Variants in PCDHGA5 observed in about 807,000 individuals in gnomAD.
PCDHGA5 encodes protocadherin gamma-A5.
In PCDHGA5, 36 loss-of-function variants were observed where a neutral mutation model predicts 56.7. That is an observed-to-expected ratio of 0.64 (90% confidence interval 0.49 to 0.84). PCDHGA5 has a LOEUF of 0.84. Among genes scored for constraint, PCDHGA5 ranks in the 40% least tolerant of loss-of-function variants. PCDHGA5 has a pLI of 0.00. For missense variants in PCDHGA5, 1,305 were observed against 1,201.5 expected (o/e 1.09, Z -1.27); for synonymous variants, 563 against 520.2 (o/e 1.08, Z -1.12).
At chr5:141,369,056 A>G (rs1051777432) in intron 1 of PCDHGA5, among the ~76,000 whole-genome samples, 7 of 152,212 alleles carry the variant, frequency 4.6e-5, no homozygotes, top group Non-Finnish European at 5.9e-5. Flanking sequence ...TACATTATGT[A>G]GGCTAAAGAT....
intron 1 of PCDHGA5, chr5:141,409,529 G>A: frequency 6.2e-7 from 1 of 1,613,962 alleles, no homozygotes; most frequent in Middle Eastern, 1.6e-4. Context: ...CTTGTATGTC[G>A]CTGACATCAA....
chr5:141,370,311 A>G, intron 1 of PCDHGA5: 8 of 1,247,000 alleles, frequency 6.4e-6, no homozygotes, highest in Non-Finnish European at 8.9e-6. Context: ...CAAAGCAAAT[A>G]GTTGGTCCTG....
chr5:141,481,619 A>T (rs1303171847), intron 1 of PCDHGA5, among the ~76,000 whole-genome samples: 1 of 152,128 alleles, frequency 6.6e-6, no homozygotes, highest in Non-Finnish European at 1.5e-5. Flanking sequence ...GGAGTTCAAG[A>T]CCGGCCTGGC....
At chr5:141,498,011 G>A (rs995865984) in intron 2 of PCDHGA5, among the ~76,000 whole-genome samples, 2 of 152,204 alleles carry the variant, frequency 1.3e-5, no homozygotes, top group Non-Finnish European at 2.9e-5. Flanking sequence ...ACAGTGCACT[G>A]AAGGAGACAA....
At chr5:141,385,430 A>G (rs1781192913) in intron 1 of PCDHGA5, 1 of 1,458,668 alleles carries the variant, frequency 6.9e-7, no homozygotes. Context: ...AAAACTTTAT[A>G]GAGGTAAAAA....
chr5:141,423,447 T>C (rs1347619382), intron 1 of PCDHGA5: 1 of 1,613,880 alleles, frequency 6.2e-7, no homozygotes, highest in Admixed American at 1.7e-5. Context: ...CCACGTCACA[T>C]TTTGTAGGCG....
intron 1 of PCDHGA5, chr5:141,393,027 A>C (rs868285753): frequency 1.2e-6 from 2 of 1,613,818 alleles, no homozygotes; most frequent in Non-Finnish European, 1.7e-6. Flanking sequence ...CAGAGGTAGG[A>C]CGCAGCTCTT....
chr5:141,479,466 C>G (rs1004384273), intron 1 of PCDHGA5: 1 of 152,224 alleles, frequency 6.6e-6, no homozygotes, highest in Non-Finnish European at 1.5e-5. Flanking sequence ...AATACAGTGA[C>G]CTCTTGGGAG....
chr5:141,403,741 T>G, intron 1 of PCDHGA5: 1 of 1,613,906 alleles, frequency 6.2e-7, no homozygotes. Context: ...GGCTGCTTAC[T>G]GCAACAGCCA....
At chr5:141,441,718 C>A in intron 1 of PCDHGA5, 1 of 344,940 alleles carries the variant, frequency 2.9e-6, no homozygotes, top group Non-Finnish European at 5.7e-6. Flanking sequence ...ACGCTGCAGG[C>A]CCGCGACCAG....
chr5:141,493,338 A>G lies in PCDHGA5; in HGVS notation c.2422-1469A>G, dbSNP rs773870729. Among the ~76,000 whole-genome samples the G allele has an allele frequency of 6.6e-6, 1 of 152,162 alleles. No individual in the cohort carries two copies. The highest frequency in any genetic ancestry group is 1.5e-5 in the Non-Finnish European group (1 of 68,028). On this transcript the variant is annotated intron_variant, in intron 1 of 3. Transcript: ENST00000518069. This position sits in a 1 kb window ranked among gnomAD's most constrained non-coding sequence, Gnocchi z 4.3. ...GATTCTAACCCCTGTCTAACTCCAG[A>G]ATGTGTGCTTTTAATTTCTTGGCAC...
intron 1 of PCDHGA5, among the ~76,000 whole-genome samples, chr5:141,439,623 C>T (rs1219064055): frequency 6.6e-6 from 1 of 152,186 alleles, no homozygotes; most frequent in East Asian, 1.9e-4. Context: ...ATGAGCCAAT[C>T]CCCAGACATT....
chr5:141,506,415 C>T lies in PCDHGA5; in HGVS notation c.2569+934C>T, dbSNP rs2099853185. 2.0e-5 allele frequency among the ~76,000 whole-genome samples: 3 copies of T among 148,290 alleles called. No homozygotes were observed. The South Asian group carries it at 6.4e-4, about 32-fold the overall frequency. On this transcript the variant is annotated intron_variant, in intron 3 of 3. Coordinates refer to ENST00000518069, the MANE Select transcript of PCDHGA5 (RefSeq NM_018918.3). ...GAGCAGAAAATCGCACCACTGCACT[C>T]CAGCCTGGGCAACAGTCTCGCTCTG...
intron 1 of PCDHGA5, among the ~76,000 whole-genome samples, chr5:141,434,495 G>A (rs1414485396): frequency 6.6e-6 from 1 of 152,220 alleles, no homozygotes; most frequent in Non-Finnish European, 1.5e-5. Flanking sequence ...GGCCCGCCCA[G>A]GGCAGAAAAC....
intron 1 of PCDHGA5, chr5:141,367,403 G>GTT (rs1765106361): frequency 2.0e-5 from 3 of 152,234 alleles, no homozygotes; most frequent in African/African-American, 7.2e-5. Context: ...CGGGCGTGGT[G>GTT]GCAGGCGCCT....
chr5:141,458,990 C>T (rs2098958778), intron 1 of PCDHGA5, among the ~76,000 whole-genome samples: 1 of 152,212 alleles, frequency 6.6e-6, no homozygotes, highest in Non-Finnish European at 1.5e-5. Context: ...GCCTCACCCT[C>T]CCAAAGTGCT....
chr5:141,381,093 A>T (rs1776980252), intron 1 of PCDHGA5, among the ~76,000 whole-genome samples: 1 of 152,266 alleles, frequency 6.6e-6, no homozygotes, highest in Admixed American at 6.5e-5. Flanking sequence ...AGATCAAAAC[A>T]GAATGTCCTT....
intron 1 of PCDHGA5, among the ~76,000 whole-genome samples, chr5:141,460,912 G>GTATA (rs34683754): frequency 4.0e-5 from 6 of 149,324 alleles, no homozygotes; most frequent in South Asian, 2.1e-4. Context: ...ATTCCATGGT[G>GTATA]TATATATATA....
chr5:141,371,219 C>T, intron 1 of PCDHGA5: 13 of 1,613,954 alleles, frequency 8.1e-6, no homozygotes, highest in Middle Eastern at 1.6e-4. Flanking sequence ...GCATCAATGC[C>T]GAAATCATCT....
Sources: gnomAD v4.1 joint callset for allele counts (sites outside exome capture counted in the v4.1 genomes callset) on GRCh38, gnomAD v4.1.1 for gene constraint, Gnocchi (gnomAD v3.1) non-coding constraint, MANE v1.5 for transcripts, NCBI Gene and HGNC (gene_info 2026-07-23, HGNC 2026-07-21) for gene names.